Variants in CD24 observed in about 807,000 individuals in gnomAD.
CD24 encodes CD24 molecule.
In CD24, 2 loss-of-function variants were observed where a neutral mutation model predicts 3.6. The ratio of observed to expected loss-of-function variants is 0.56; its 90% CI spans 0.23 to 1.77. The LOEUF (loss-of-function observed/expected upper bound fraction) is 1.77. Ranked by LOEUF, CD24 falls within the 40% of genes most tolerant of loss-of-function variation. The probability of loss-of-function intolerance (pLI) is 0.18; values close to 1 mark genes in which losing one functional copy is unlikely to be tolerated. For synonymous variants in CD24, 33 were observed against 44.9 expected (o/e 0.74, Z 1.06); for missense variants, 62 against 93.6 (o/e 0.66, Z 1.39).
chr6:106,974,508 G>C, intron 1 of CD24, 70 bp downstream of exon 1: 1 of 899,358 alleles, frequency 1.1e-6, no homozygotes, highest in South Asian at 2.0e-5. Flanking sequence ...GGTCCCCCGG[G>C]ACCGGGTCCA....
At chr6:106,972,244 G>C (rs1429575353) in intron 1 of CD24, among the ~76,000 whole-genome samples, 1 of 152,162 alleles carries the variant, frequency 6.6e-6, no homozygotes, top group Non-Finnish European at 1.5e-5. Flanking sequence ...TTTAAATATT[G>C]TAACTGAGAC....
In CD24 at chr6:106,971,422, T is replaced by C; in HGVS notation, c.*239A>G. Reference sequence around the variant, plus strand: ...TATTTTGGATGTTGCCTCTCCTTCATCTTGTACATGAAACTCCAGCAGATT... The same window carrying C: ...TATTTTGGATGTTGCCTCTCCTTCACCTTGTACATGAAACTCCAGCAGATT... On this transcript the variant is annotated 3_prime_UTR_variant, in exon 2 of 2. Transcript: ENST00000606017. 1 of 485,940 alleles carries C rather than the reference T, an allele frequency of 2.1e-6. No individual in the cohort carries two copies. Among genetic ancestry groups the C allele is most frequent in the Non-Finnish European group, 3.6e-6 (1 of 277,770 alleles). 30.1% of individuals were successfully genotyped at this position (485,940 alleles called of 1,614,324 possible).
At chr6:106,972,608 A>C (rs1773001180) in intron 1 of CD24, among the ~76,000 whole-genome samples, 1 of 152,170 alleles carries the variant, frequency 6.6e-6, no homozygotes, top group African/African-American at 2.4e-5. Context: ...AGGTTCTCCC[A>C]GTGTCCCAGC....
At position 106,970,609 on chromosome 6, in the gene CD24, C is replaced by T. The variant is rs1452248074; in HGVS notation, c.*1052G>A. The stretch of plus-strand genomic sequence containing the variant: ...GGTGGATCACCTGAGGTCAGGAGTT[C>T]GAAACCAGCCTGGGCAACATGGTGA... On this transcript the variant is annotated 3_prime_UTR_variant, in exon 2 of 2. Coordinates refer to ENST00000606017, the MANE Select transcript of CD24 (RefSeq NM_001359084.1). 1 of 152,052 alleles carries T rather than the reference C, an allele frequency of 6.6e-6. No individual in the cohort carries two copies. Among genetic ancestry groups the T allele is most frequent in the Non-Finnish European group, 1.5e-5 (1 of 68,022 alleles). 9.4% of individuals were successfully genotyped at this position (152,052 alleles called of 1,614,324 possible).
chr6:106,975,605 C>G (rs1177408656), upstream of CD24: 1 of 152,296 alleles, frequency 6.6e-6, no homozygotes, highest in Non-Finnish European at 1.5e-5. Context: ...TGGGCGCAGA[C>G]CCGCTGCCTG....
rs1390915841 is a variant in CD24 at position 106,972,625 on chromosome 6, G to C, written c.70-791C>G. Among the ~76,000 whole-genome samples the C allele has an allele frequency of 3.3e-5, 5 of 152,288 alleles. No homozygotes were observed. In the East Asian group the frequency reaches 7.7e-4, roughly 24 times the overall value. The stretch of plus-strand genomic sequence containing the variant: ...GTTCTCCCAGTGTCCCAGCGTCTGA[G>C]TGGCATCATTCACCACTGATTTTTC... On this transcript the variant is annotated intron_variant, in intron 1 of 1. Coordinates refer to ENST00000606017, the MANE Select transcript of CD24 (RefSeq NM_001359084.1).
chr6:106,974,324 G>T (rs1374273079), intron 1 of CD24, among the ~76,000 whole-genome samples: 1 of 152,238 alleles, frequency 6.6e-6, no homozygotes, highest in Non-Finnish European at 1.5e-5. Context: ...ACCTGGGGTG[G>T]GGCAGGGTCC....
At chr6:106,972,316 A>G (rs1202923047) in intron 1 of CD24, among the ~76,000 whole-genome samples, 3 of 152,112 alleles carry the variant, frequency 2.0e-5, no homozygotes, top group African/African-American at 7.2e-5. Context: ...ACTTTCACAT[A>G]CTCAATTTAA....
intron 1 of CD24, 130 bp from the exon 2 acceptor site, chr6:106,971,964 A>G: frequency 1.5e-6 from 1 of 658,216 alleles, no homozygotes; most frequent in East Asian, 2.9e-5. Context: ...ACCCAACATC[A>G]TTAACTTCTG....
At chr6:106,976,381 A>C (rs1773108628), upstream of CD24, among the ~76,000 whole-genome samples, 1 of 152,184 alleles carries the variant, frequency 6.6e-6, no homozygotes, top group African/African-American at 2.4e-5. Context: ...AGTGACAATG[A>C]AATCTGCAGT....
upstream of CD24, among the ~76,000 whole-genome samples, chr6:106,976,657 A>G (rs1722160504): frequency 6.6e-6 from 1 of 152,200 alleles, no homozygotes; most frequent in African/African-American, 2.4e-5. Flanking sequence ...CAACCTGACC[A>G]ACATGGTGAA....
intron 1 of CD24, chr6:106,973,586 A>G (rs1773027485): frequency 2.5e-6 from 1 of 398,228 alleles, no homozygotes; most frequent in East Asian, 3.6e-5. Context: ...AGCCCCAGTG[A>G]CAGTCCTCGA....
chr6:106,973,031 A>G (rs945528845), intron 1 of CD24, among the ~76,000 whole-genome samples: 2 of 152,218 alleles, frequency 1.3e-5, no homozygotes, highest in Admixed American at 6.5e-5. Context: ...GTGTCCCATC[A>G]GGAAACGGCA....
upstream of CD24, chr6:106,975,226 G>A (rs1246464166): frequency 1.1e-4 from 16 of 152,080 alleles, no homozygotes; most frequent in East Asian, 2.5e-3. Context: ...AATGCGCCCC[G>A]GGGACCCGAG....
intron 1 of CD24, among the ~76,000 whole-genome samples, chr6:106,972,648 T>C (rs1434545951): frequency 6.6e-6 from 1 of 152,112 alleles, no homozygotes; most frequent in Non-Finnish European, 1.5e-5. Flanking sequence ...CCACTGATTT[T>C]TCAAGCCACG....
chr6:106,974,296 G>A (rs1773048868), intron 1 of CD24, among the ~76,000 whole-genome samples: 1 of 152,242 alleles, frequency 6.6e-6, no homozygotes, highest in East Asian at 1.9e-4. Flanking sequence ...CTGGCTGCCT[G>A]GGAAGGGACA....
At chr6:106,975,255 T>C, upstream of CD24, 1 of 151,378 alleles carries the variant, frequency 6.6e-6, no homozygotes, top group East Asian at 2.0e-4. Context: ...CGAATTCCAG[T>C]GCGACCGCGT....
At chr6:106,974,524 C>T in intron 1 of CD24, 54 bp downstream of exon 1, 1 of 1,125,494 alleles carries the variant, frequency 8.9e-7, no homozygotes, top group Non-Finnish European at 1.2e-6. Context: ...GTCCATCTCC[C>T]CTGCCCCCAC....
chr6:106,975,494 G>A (rs1040613753), upstream of CD24: 1 of 152,234 alleles, frequency 6.6e-6, no homozygotes, highest in African/African-American at 2.4e-5. Flanking sequence ...CCTCCCCGAA[G>A]CCCTTGCTTT....
Sources: allele counts gnomAD v4.1 joint callset (sites outside exome capture counted in the v4.1 genomes callset), GRCh38; gene constraint gnomAD v4.1.1; transcripts MANE v1.5; gene names NCBI Gene and HGNC (gene_info 2026-07-23, HGNC 2026-07-21).